ADGB: variants seen among roughly 807,000 people sequenced by gnomAD.
ADGB encodes the protein calpain-7-like protein.
ADGB carries 172 observed loss-of-function variants against 210.5 expected under a neutral mutation model. The observed-to-expected ratio is 0.82, with a 90% CI of 0.72 to 0.93. The LOEUF is 0.93. Among genes scored for constraint, ADGB ranks in the 40% least tolerant of loss-of-function variants. The pLI is 0.00. For missense variants in ADGB, 2,025 were observed against 1,964.8 expected, an observed-to-expected ratio of 1.03 and a Z score of -0.58; for synonymous variants, 658 against 662.7, an observed-to-expected ratio of 0.99 and a Z score of 0.11.
chr6:146,785,552 C>A, intron 31 of ADGB, 58 bp from the exon 32 acceptor site: 1 of 1,327,546 alleles, frequency 7.5e-7, no homozygotes, highest in South Asian at 1.3e-5. Flanking sequence ...CATGTATTAC[C>A]TGTACTGGTT....
chr6:146,688,962 A>C (rs1653702124), intron 10 of ADGB, among the ~76,000 whole-genome samples: 1 of 152,166 alleles, frequency 6.6e-6, no homozygotes, highest in South Asian at 2.1e-4. Flanking sequence ...AATCAAGAAC[A>C]AAACTCGGGA....
chr6:146,662,414 T>A (rs1214893328), intron 5 of ADGB, among the ~76,000 whole-genome samples: 2 of 152,164 alleles, frequency 1.3e-5, no homozygotes, highest in Non-Finnish European at 1.5e-5. Flanking sequence ...GCTATTGATC[T>A]CATCAATTGA....
At chr6:146,719,010 T>G (rs9377023) in intron 16 of ADGB, among the ~76,000 whole-genome samples, 83,012 of 152,000 alleles carry the variant, frequency 0.55, 23,469 homozygotes, top group African/African-American at 0.68. Flanking sequence ...TACAGTTTAT[T>G]TAAGCATATT....
intron 21 of ADGB, 122 bp downstream of exon 21, chr6:146,733,377 C>T: frequency 9.7e-7 from 1 of 1,031,204 alleles, no homozygotes; most frequent in Non-Finnish European, 1.3e-6. Flanking sequence ...GGAGTTCAAG[C>T]AGTGCTCTAA....
intron 28 of ADGB, among the ~76,000 whole-genome samples, chr6:146,768,215 T>G (rs1179964540): frequency 2.0e-5 from 3 of 152,156 alleles, no homozygotes; most frequent in Non-Finnish European, 4.4e-5. Context: ...CCAATCAAAA[T>G]TCCCACTGTA....
At chr6:146,752,478 TGAG>T in intron 26 of ADGB, 49 bp from the exon 27 acceptor site, 1 of 1,464,408 alleles carries the variant, frequency 6.8e-7, no homozygotes, top group African/African-American at 1.4e-5. Flanking sequence ...CTTACTGACT[TGAG>T]AGAAAGACCA....
chr6:146,785,651 G>C lies in ADGB; in HGVS notation c.4254G>C (p.Lys1418Asn). Reference protein sequence around the residue: ...ARLHYLSGFIKKTSDAESPPI... With the variant: ...ARLHYLSGFINKTSDAESPPI... ...TGCATTACCTTAGCGGGTTCATTAA[G>C]AAAACATCTGATGCTGAGAGTCCGC... Residue 1418 changes from lysine to asparagine, a missense_variant, in exon 32 of 36, where the codon AAG (lysine) becomes AAC (asparagine). Physicochemically the swap from Lys to Asn is moderately conservative, Grantham distance 94. Coordinates refer to ENST00000397944, the MANE Select transcript of ADGB (RefSeq NM_024694.4). The C allele has an allele frequency of 6.4e-7, 1 of 1,551,106 alleles. No individual in the cohort carries two copies. Among genetic ancestry groups the C allele is most frequent in the Non-Finnish European group, 8.7e-7 (1 of 1,146,604 alleles).
intron 1 of ADGB, among the ~76,000 whole-genome samples, chr6:146,607,145 A>G (rs911687107): frequency 6.6e-6 from 1 of 152,046 alleles, no homozygotes; most frequent in Non-Finnish European, 1.5e-5. Flanking sequence ...TAGGTATTCT[A>G]TTCTTTTGTG....
At chr6:146,734,673 G>T (rs868309424) in intron 22 of ADGB, among the ~76,000 whole-genome samples, 1 of 152,154 alleles carries the variant, frequency 6.6e-6, no homozygotes, top group African/African-American at 2.4e-5. Flanking sequence ...ACTTTGGGAG[G>T]CTGAGGGGGG....
intron 28 of ADGB, among the ~76,000 whole-genome samples, chr6:146,768,673 A>G (rs2114630646): frequency 6.6e-6 from 1 of 152,328 alleles, no homozygotes; most frequent in South Asian, 2.1e-4. Flanking sequence ...TCATGATCAC[A>G]AAGAAGAGAA....
At chr6:146,788,085 G>A (rs1036130650) in intron 32 of ADGB, among the ~76,000 whole-genome samples, 7 of 152,050 alleles carry the variant, frequency 4.6e-5, no homozygotes, top group African/African-American at 1.4e-4. Context: ...CTTCCTCCAG[G>A]GCCGACCTTC....
intron 25 of ADGB, among the ~76,000 whole-genome samples, chr6:146,741,663 T>A (rs150130058): frequency 8.4e-4 from 128 of 152,278 alleles, no homozygotes; most frequent in African/African-American, 2.9e-3. Flanking sequence ...CTCCTGTATA[T>A]TTCAGAAAAT....
At chr6:146,642,520 G>C (rs1413311469) in intron 2 of ADGB, among the ~76,000 whole-genome samples, 1 of 151,984 alleles carries the variant, frequency 6.6e-6, no homozygotes, top group Non-Finnish European at 1.5e-5. Context: ...TAAAGAAAAT[G>C]TGGTACATAT....
chr6:146,759,211 G>C (rs1471622121), intron 27 of ADGB, among the ~76,000 whole-genome samples: 1 of 151,744 alleles, frequency 6.6e-6, no homozygotes, highest in Non-Finnish European at 1.5e-5. Context: ...CTAAAGGAAA[G>C]ATAAAACTTC....
At chr6:146,810,018 A>G (rs556781302) in intron 35 of ADGB, among the ~76,000 whole-genome samples, 49 of 152,060 alleles carry the variant, frequency 3.2e-4, no homozygotes, top group African/African-American at 1.1e-3. Flanking sequence ...TGAAAAGACA[A>G]TCTATAGAAT....
At position 146,684,002 on chromosome 6, in the gene ADGB, G is replaced by C. The variant is rs954816379; in HGVS notation, c.1217-1732G>C. ...GATTTAGAAAAGAGCTAATGAAATA[G>C]ATCAACCTGAACGAGCCATGGGGTG... On this transcript the variant is annotated intron_variant, in intron 9 of 35. Coordinates refer to ENST00000397944, the MANE Select transcript of ADGB (RefSeq NM_024694.4). Among the ~76,000 whole-genome samples, 4 of 152,192 alleles carry C rather than the reference G, an allele frequency of 2.6e-5. No homozygotes were observed. The South Asian group carries it at 6.2e-4, about 24-fold the overall frequency.
intron 13 of ADGB, among the ~76,000 whole-genome samples, chr6:146,710,463 A>G (rs796524504): frequency 1.3e-5 from 2 of 152,084 alleles, no homozygotes; most frequent in Non-Finnish European, 2.9e-5. Flanking sequence ...AGATTCTTAG[A>G]GACAGAAGGT....
intron 1 of ADGB, among the ~76,000 whole-genome samples, chr6:146,608,228 T>G (rs1322254198): frequency 1.3e-5 from 2 of 152,024 alleles, no homozygotes; most frequent in Non-Finnish European, 2.9e-5. Flanking sequence ...GGTTTTTTTT[T>G]GTATTTCTGC....
At chr6:146,725,980 C>A in intron 18 of ADGB, 103 bp from the exon 19 acceptor site, 1 of 643,384 alleles carries the variant, frequency 1.6e-6, no homozygotes, top group South Asian at 2.4e-5. Context: ...TCTTCCCTAA[C>A]CTTTTACTTC....
Sources: allele counts gnomAD v4.1 joint callset (sites outside exome capture counted in the v4.1 genomes callset), GRCh38; gene constraint gnomAD v4.1.1; transcripts MANE v1.5; gene names NCBI Gene and HGNC (gene_info 2026-07-23, HGNC 2026-07-21).